TPRN: variants seen among roughly 807,000 people sequenced by gnomAD.
TPRN encodes the protein chromosome 9 open reading frame 75.
Under a neutral mutation model 42.6 loss-of-function variants are expected in TPRN, and 32 were observed. That is an observed-to-expected ratio of 0.75 (90% confidence interval 0.57 to 1.01). The LOEUF is 1.01. Among genes scored for constraint, TPRN ranks in the 50% least tolerant of loss-of-function variants. The probability of loss-of-function intolerance (pLI) is 0.00; values close to 1 mark genes in which losing one functional copy is unlikely to be tolerated. For missense variants in TPRN, 1,095 were observed against 957.5 expected (o/e 1.14, Z -1.90); for synonymous variants, 541 against 445.6 (o/e 1.21, Z -2.70).
At chr9:137,193,557 T>C (rs1834660330) in intron 1 of TPRN, 1 of 152,248 alleles carries the variant, frequency 6.6e-6, no homozygotes, top group Admixed American at 6.5e-5. Flanking sequence ...TGGTCAGGAC[T>C]CTCCACCTCC....
In TPRN at chr9:137,200,266, C is replaced by A; in HGVS notation, c.446G>T (p.Arg149Leu). ...GGGGCGGGCGCGCTCGGGGCTCCCG[C>A]GGCGGCGCGGCGCGGCGGGCGGGTC... ...RFDPPAAPRR[R>L]GSPERARPPP... The change falls in exon 1 of 4, where the codon CGC (arginine) becomes CTC (leucine). Residue 149 changes from arginine (R) to leucine (L), a missense_variant. By Grantham distance (102) the Arg-to-Leu change is moderately radical (BLOSUM62 -2). Coordinates refer to ENST00000409012, the MANE Select transcript of TPRN (RefSeq NM_001128228.3). This position sits in a 1 kb window ranked among gnomAD's most constrained non-coding sequence, Gnocchi z 4.3. 1 of 978,410 alleles carries A rather than the reference C, an allele frequency of 1.0e-6. No individual in the cohort carries two copies. Among genetic ancestry groups the A allele is most frequent in the Non-Finnish European group, 1.2e-6 (1 of 827,688 alleles). 60.6% of individuals were successfully genotyped at this position (978,410 alleles called of 1,614,324 possible).
At position 137,199,421 on chromosome 9, in the gene TPRN, C is replaced by T. The variant is rs746303751; in HGVS notation, c.1291G>A (p.Glu431Lys). 1.9e-6 allele frequency: 3 copies of T among 1,611,828 alleles called. No individual in the cohort carries two copies. In the African/African-American group the frequency reaches 4.0e-5, roughly 22 times the overall value. The change falls in exon 1 of 4, where the codon GAG (glutamate) becomes AAG (lysine). Residue 431 changes from glutamate (E) to lysine (K), a missense_variant. Glu to Lys is a moderately conservative substitution (Grantham distance 56). Transcript: ENST00000409012. ...GGAACCCTGAGGCCCTCAGCAGGCT[C>T]AGCTTCTTCCGAAGCAGCCGGCAGG... ...PFLPAASEEA[E>K]PAEGLRVPGL... is the part of the protein sequence containing the mutation.
chr9:137,192,232 C>G (rs749357827), intron 3 of TPRN, 27 bp downstream of exon 3: 2 of 1,613,236 alleles, frequency 1.2e-6, no homozygotes, highest in Non-Finnish European at 1.7e-6. Flanking sequence ...CAGACTCCCC[C>G]CAGCGCTCCA....
At position 137,199,765 on chromosome 9, in the gene TPRN, T is replaced by C. The variant is rs1419063935; in HGVS notation, c.947A>G (p.Gln316Arg). Residue 316 changes from glutamine (Q) to arginine (R), a missense_variant, in exon 1 of 4, where the codon CAG becomes CGG. Transcript: ENST00000409012. The stretch of plus-strand genomic sequence containing the variant: ...GCGGAGGCTGGCCAGCGCCCGGGCC[T>C]GGAGGTCCCCCAAGGGGATGGTCTC... ...VMETIPLGDL[Q>R]ARALASLRAN... The C allele has an allele frequency of 6.2e-7, 1 of 1,611,188 alleles. No homozygotes were observed. Among genetic ancestry groups the C allele is most frequent in the African/African-American group, 1.3e-5 (1 of 75,024 alleles).
At chr9:137,196,246 A>G (rs542563378) in intron 1 of TPRN, among the ~76,000 whole-genome samples, 1 of 152,318 alleles carries the variant, frequency 6.6e-6, no homozygotes, top group East Asian at 1.9e-4. Flanking sequence ...GGGCCCTGCA[A>G]TCCCTGCACT....
rs1834648870 is a variant in TPRN, at chr9:137,192,916, G to C, written c.1726-225C>G. 6.8e-6 allele frequency: 4 copies of C among 588,702 alleles called. No homozygotes were observed. The South Asian group carries it at 8.1e-5, about 12-fold the overall frequency. The allele number at this position is 588,702 out of a possible 1,614,324, so 36.5% of individuals were successfully genotyped here. A position where few individuals can be genotyped will look rare whatever the true frequency, so the allele number is the denominator to read the frequency against. On this transcript the variant is annotated intron_variant, in intron 1 of 3. Transcript: ENST00000409012. ...AACCTCCCCTCCCCATTCCAGCCAG[G>C]GACCAAACGCTGACCAGGACCAGGA...
In TPRN at chr9:137,192,040, T is replaced by G; in HGVS notation, c.*72A>C. On this transcript the variant is annotated 3_prime_UTR_variant, in exon 4 of 4. Transcript: ENST00000409012. The stretch of plus-strand genomic sequence containing the variant: ...CCAAACAAGGCAGAAGCGGGTGCAG[T>G]AGTCCCTGGCTACTGCCCAGCTTCC... 6.4e-7 allele frequency: 1 copy of G among 1,569,080 alleles called. No individual in the cohort carries two copies. Among genetic ancestry groups the G allele is most frequent in the Non-Finnish European group, 8.7e-7 (1 of 1,151,690 alleles).
At chr9:137,194,521 A>C (rs1834677712) in intron 1 of TPRN, 1 of 152,334 alleles carries the variant, frequency 6.6e-6, no homozygotes, top group South Asian at 2.1e-4. Flanking sequence ...ACGGCTGAGA[A>C]CACAGAAGGG....
chr9:137,199,435 G>A lies in TPRN; in HGVS notation c.1277C>T (p.Ala426Val), dbSNP rs768303091. 10 of 1,610,626 alleles carry A rather than the reference G, an allele frequency of 6.2e-6. No individual in the cohort carries two copies. In the South Asian group the frequency reaches 7.7e-5, roughly 12 times the overall value. Residue 426 changes from alanine to valine, a missense_variant, in exon 1 of 4, where the codon GCT becomes GTT. Coordinates refer to ENST00000409012, the MANE Select transcript of TPRN (RefSeq NM_001128228.3). ...CTCAGCAGGCTCAGCTTCTTCCGAA[G>A]CAGCCGGCAGGAAGGGGGGCGGTGA... ...PSSPPPFLPA[A>V]SEEAEPAEGL... is the part of the protein sequence containing the mutation.
chr9:137,200,277 C>T lies in TPRN; in HGVS notation c.435G>A (p.Ala145=). Residue 145 remains alanine (A), a synonymous_variant, in exon 1 of 4, where the codon GCG becomes GCA. Coordinates refer to ENST00000409012, the MANE Select transcript of TPRN (RefSeq NM_001128228.3). This position sits in a 1 kb window ranked among gnomAD's most constrained non-coding sequence, Gnocchi z 4.3. ...RLLERFDPPA[A]PRRRGSPERA... Reference sequence around the variant, plus strand: ...GCTCGGGGCTCCCGCGGCGGCGCGGCGCGGCGGGCGGGTCGAACCTCTCCA... The same window carrying T: ...GCTCGGGGCTCCCGCGGCGGCGCGGTGCGGCGGGCGGGTCGAACCTCTCCA... 1.0e-6 allele frequency: 1 copy of T among 980,882 alleles called. No homozygotes were observed. The highest frequency in any genetic ancestry group is 1.2e-6 in the Non-Finnish European group (1 of 829,846). The allele number at this position is 980,882 out of a possible 1,614,324, so 60.8% of individuals were successfully genotyped here.
In TPRN at chr9:137,192,995, T is replaced by C. The variant is rs1204268220; in HGVS notation, c.1726-304A>G. 6.7e-6 allele frequency: 3 copies of C among 445,168 alleles called. No homozygotes were observed. In the Admixed American group the frequency reaches 1.1e-4, roughly 17 times the overall value. The allele number at this position is 445,168 out of a possible 1,614,324, so 27.6% of individuals were successfully genotyped here. On this transcript the variant is annotated intron_variant, in intron 1 of 3. Transcript: ENST00000409012. ...TCTAGACCAGCTCCTGGAGCTACCATCTCAGGCCCCTCCTGCTCTGCTGTC... is the reference window on the plus strand; with the variant it reads ...TCTAGACCAGCTCCTGGAGCTACCACCTCAGGCCCCTCCTGCTCTGCTGTC...
At chr9:137,196,116 C>G (rs988678399) in intron 1 of TPRN, among the ~76,000 whole-genome samples, 2 of 152,220 alleles carry the variant, frequency 1.3e-5, no homozygotes, top group Admixed American at 6.5e-5. Context: ...CGACTCCCAC[C>G]ACCCAGACAA....
intron 1 of TPRN, 122 bp from the exon 2 acceptor site, chr9:137,192,813 C>A (rs546035887): frequency 2.8e-6 from 3 of 1,062,632 alleles, no homozygotes; most frequent in African/African-American, 1.6e-5. Context: ...CACCATCAAC[C>A]GTTCCGGGGG....
At position 137,199,020 on chromosome 9, in the gene TPRN, G is replaced by A. The variant is rs1834748430; in HGVS notation, c.1692C>T (p.Ser564=). The change falls in exon 1 of 4, where the codon TCC becomes TCT. Residue 564 remains serine (S), a synonymous_variant. Coordinates refer to ENST00000409012, the MANE Select transcript of TPRN (RefSeq NM_001128228.3). ...VIGGYLALQK[S]CLTKAGSSRK... ...TTGAGGAGCCAGCCTTGGTGAGGCA[G>A]GACTTCTGCAGGGCCAGGTAGCCGC... 3 of 1,613,078 alleles carry A rather than the reference G, an allele frequency of 1.9e-6. No individual in the cohort carries two copies. Among genetic ancestry groups the A allele is most frequent in the Non-Finnish European group, 2.5e-6 (3 of 1,179,996 alleles).
intron 1 of TPRN, among the ~76,000 whole-genome samples, chr9:137,198,044 G>A (rs975925381): frequency 3.3e-5 from 5 of 152,194 alleles, no homozygotes; most frequent in African/African-American, 4.8e-5. Flanking sequence ...CCCCAGCCTG[G>A]GGAAACTGAG....
rs963708204 is a variant in TPRN, at chr9:137,200,243, G to T, written c.469C>A (p.Pro157Thr). Reference sequence around the variant, plus strand: ...GCGGGCGGCGGCGGCGGCGGCGGGGGGCGGGCGCGCTCGGGGCTCCCGCGG... The same window carrying T: ...GCGGGCGGCGGCGGCGGCGGCGGGGTGCGGGCGCGCTCGGGGCTCCCGCGG... The part of the protein sequence containing the change: ...RRRGSPERAR[P>T]PPPPPPPAPP... The change falls in exon 1 of 4, where the codon CCC becomes ACC. Residue 157 changes from proline (P) to threonine (T), a missense_variant. Physicochemically the swap from Pro to Thr is conservative, Grantham distance 38. Coordinates refer to ENST00000409012, the MANE Select transcript of TPRN (RefSeq NM_001128228.3). This position sits in a 1 kb window ranked among gnomAD's most constrained non-coding sequence, Gnocchi z 4.3. The T allele has an allele frequency of 4.1e-6, 4 of 969,762 alleles. No individual in the cohort carries two copies. The African/African-American group carries it at 5.4e-5, about 13-fold the overall frequency. 60.1% of individuals were successfully genotyped at this position (969,762 alleles called of 1,614,324 possible).
In TPRN at chr9:137,199,357, C is replaced by A; in HGVS notation, c.1355G>T (p.Gly452Val). 2 of 1,612,792 alleles carry A rather than the reference C, an allele frequency of 1.2e-6. No homozygotes were observed. Among genetic ancestry groups the A allele is most frequent in the Non-Finnish European group, 1.7e-6 (2 of 1,180,010 alleles). ...CTCATCGATGAAGGTGACAGGCAGCCCCGGCCTCACATATTCCCGGCTATT... is the reference window on the plus strand; with the variant it reads ...CTCATCGATGAAGGTGACAGGCAGCACCGGCCTCACATATTCCCGGCTATT... ...AKNSREYVRP[G>V]LPVTFIDEVD... Residue 452 changes from glycine to valine, a missense_variant, in exon 1 of 4, where the codon GGG becomes GTG. Physicochemically the swap from Gly to Val is moderately radical, Grantham distance 109 (BLOSUM62 -3). Transcript: ENST00000409012.
rs1047091651 is a variant in TPRN, at chr9:137,200,569, A to G, written c.143T>C (p.Val48Ala). Residue 48 changes from valine to alanine, a missense_variant, in exon 1 of 4, where the codon GTG (valine) becomes GCG (alanine). Physicochemically the swap from Val to Ala is moderately conservative, Grantham distance 64 (BLOSUM62 0). Transcript: ENST00000409012. This position sits in a 1 kb window ranked among gnomAD's most constrained non-coding sequence, Gnocchi z 4.3. ...GPGAAEPEQR[V>A]LAESLGPLRE... ...CAGCGGGCCCAGGCTCTCGGCCAGC[A>G]CCCGCTGCTCGGGCTCCGCCGCCCC... 4.4e-6 allele frequency: 5 copies of G among 1,148,764 alleles called. No homozygotes were observed. The African/African-American group carries it at 8.3e-5, about 19-fold the overall frequency. The allele number at this position is 1,148,764 out of a possible 1,614,324, so 71.2% of individuals were successfully genotyped here.
At position 137,192,554 on chromosome 9, in the gene TPRN, C is replaced by T; in HGVS notation, c.1863G>A (p.Glu621=). 6.2e-7 allele frequency: 1 copy of T among 1,610,204 alleles called. No homozygotes were observed. Among genetic ancestry groups the T allele is most frequent in the Non-Finnish European group, 8.5e-7 (1 of 1,178,412 alleles). The change falls in exon 2 of 4, where the codon GAG becomes GAA. Residue 621 remains glutamate (E), a synonymous_variant. Coordinates refer to ENST00000409012, the MANE Select transcript of TPRN (RefSeq NM_001128228.3). Reference sequence around the variant, plus strand: ...AGGGCTTCTCCTCTGAGCCGGATCCCTCTTCCTCCTCTTCCTCTTCCTCCT... The same window carrying T: ...AGGGCTTCTCCTCTGAGCCGGATCCTTCTTCCTCCTCTTCCTCTTCCTCCT... ...EEEEEEEEEE[E]GSGSEEKPFA...
Sources: gnomAD v4.1 joint callset for allele counts (sites outside exome capture counted in the v4.1 genomes callset) on GRCh38, gnomAD v4.1.1 for gene constraint, Gnocchi (gnomAD v3.1) non-coding constraint, MANE v1.5 for transcripts, NCBI Gene and HGNC (gene_info 2026-07-23, HGNC 2026-07-21) for gene names.